The following DBR1 variants were observed in gnomAD, a reference collection of about 807,000 sequenced individuals.
The protein encoded by DBR1 is lariat debranching enzyme.
A neutral mutation model predicts 45.9 loss-of-function variants in DBR1; 33 were observed. The observed-to-expected ratio is 0.72, with a 90% confidence interval of 0.55 to 0.96. The LOEUF (loss-of-function observed/expected upper bound fraction) is 0.96. DBR1 is among the 40% of genes least tolerant of loss of function. The pLI is 0.00. For synonymous variants in DBR1, 235 were observed against 235.9 expected, an observed-to-expected ratio of 1.00 and a Z score of 0.04; for missense variants, 619 against 667.4, an observed-to-expected ratio of 0.93 and a Z score of 0.80.
In DBR1 at chr3:138,174,660, C is replaced by A. The variant is rs1318704472; in HGVS notation, c.136G>T (p.Glu46Ter). ...ACGGCCATGCAGCGTAGATCCGCCT[C>A]GTTGCGCACCGCCTGGAAGTCGCCG... The part of the protein sequence containing the change: ...CCGDFQAVRN[E>*]ADLRCMAVPP... Residue 46 changes from glutamate to a stop codon, truncating the protein, a stop_gained, in exon 1 of 8, where the codon GAG becomes TAG. Transcript: ENST00000260803. LOFTEE classifies it high-confidence loss of function. 6.2e-7 allele frequency: 1 copy of A among 1,612,690 alleles called. No individual in the cohort carries two copies. Among genetic ancestry groups the A allele is most frequent in the Non-Finnish European group, 8.5e-7 (1 of 1,179,518 alleles).
Position 138,173,498 on chromosome 3 carries a change from ATACC to A in DBR1, c.322_322+3del. ...AAAAAGTATCCACAAACACAATCAC[ATACC>A]TAAATAATAAATGTTTGGTGCCACC... On this transcript the variant is annotated splice_donor_variant and splice_donor_region_variant and coding_sequence_variant and intron_variant, in exon 2 of 8. Transcript: ENST00000260803. LOFTEE classifies it high-confidence loss of function. The A allele has an allele frequency of 6.2e-7, 1 of 1,613,552 alleles. No homozygotes were observed. Among genetic ancestry groups the A allele is most frequent in the African/African-American group, 1.3e-5 (1 of 75,058 alleles).
intron 5 of DBR1, 35 bp downstream of exon 5, chr3:138,167,046 G>C: frequency 1.9e-6 from 3 of 1,561,824 alleles, no homozygotes; most frequent in Non-Finnish European, 2.6e-6. Context: ...TCAATAGTGT[G>C]TGTTAAATGA....
chr3:138,163,705 G>A (rs1045397197), intron 6 of DBR1, 73 bp downstream of exon 6: 28 of 1,170,704 alleles, frequency 2.4e-5, no homozygotes, highest in Middle Eastern at 4.2e-4. Flanking sequence ...AAAAAATTCC[G>A]AAAGGAAAAT....
At chr3:138,163,016 G>C (rs1301467823) in intron 7 of DBR1, among the ~76,000 whole-genome samples, 1 of 152,190 alleles carries the variant, frequency 6.6e-6, no homozygotes, top group East Asian at 1.9e-4. Flanking sequence ...CCAGTACTTT[G>C]GGAGGCCGAG....
chr3:138,172,358 G>A (rs2042959072), intron 2 of DBR1, among the ~76,000 whole-genome samples: 1 of 152,226 alleles, frequency 6.6e-6, no homozygotes, highest in South Asian at 2.1e-4. Flanking sequence ...CCAGGTGGGC[G>A]GATCACTTTG....
intron 2 of DBR1, 38 bp downstream of exon 2, chr3:138,173,464 C>T: frequency 6.2e-7 from 1 of 1,608,334 alleles, no homozygotes; most frequent in Non-Finnish European, 8.5e-7. Flanking sequence ...GCTCTTCCAT[C>T]CCAGGAAAAA....
rs775867995 is a variant in DBR1, at chr3:138,167,184, G to A, written c.611C>T (p.Thr204Ile). The A allele has an allele frequency of 9.9e-6, 16 of 1,614,090 alleles. No homozygotes were observed. Among genetic ancestry groups the A allele is most frequent in the Non-Finnish European group, 1.4e-5 (16 of 1,179,984 alleles). ...SFFRQEVENNTLGSPAASELL... is the reference protein window; with the variant it reads ...SFFRQEVENNILGSPAASELL... ...CTCTGAGGCAGCTGGACTTCCTAAT[G>A]TGTTATTTTCCACTTCTTGTCGGAA... The change falls in exon 5 of 8, where the codon ACA becomes ATA. Residue 204 changes from threonine (T) to isoleucine (I), a missense_variant. Physicochemically the swap from Thr to Ile is moderately conservative, Grantham distance 89. Around this residue, in one of 3 missense-constraint regions of DBR1, gnomAD observed 430 missense variants for 447.7 expected, o/e 0.96. Coordinates refer to ENST00000260803, the MANE Select transcript of DBR1 (RefSeq NM_016216.4).
At chr3:138,163,199 G>A (rs1032812512) in intron 7 of DBR1, 150 bp downstream of exon 7, 2 of 715,120 alleles carry the variant, frequency 2.8e-6, no homozygotes, top group African/African-American at 1.8e-5. Flanking sequence ...GGCAGAGGAT[G>A]CAGTGAGCCA....
rs1355342285 is a variant in DBR1 at position 138,161,131 on chromosome 3, A to C, written c.*758T>G. On this transcript the variant is annotated 3_prime_UTR_variant, in exon 8 of 8. Coordinates refer to ENST00000260803, the MANE Select transcript of DBR1 (RefSeq NM_016216.4). ...TATTTATAATAAATGAAAAGAAAGC[A>C]TACATCATAATATATACAATGACTT... The C allele has an allele frequency of 6.6e-6, 1 of 152,210 alleles. No individual in the cohort carries two copies. The highest frequency in any genetic ancestry group is 1.5e-5 in the Non-Finnish European group (1 of 68,036). 9.4% of individuals were successfully genotyped at this position (152,210 alleles called of 1,614,324 possible). A position where few individuals can be genotyped will look rare whatever the true frequency, so the allele number is the denominator to read the frequency against.
intron 7 of DBR1, 107 bp downstream of exon 7, chr3:138,163,242 G>T: frequency 1.7e-6 from 2 of 1,154,224 alleles, no homozygotes; most frequent in South Asian, 1.6e-5. Flanking sequence ...AGTCCAGTTT[G>T]GATAACAGAG....
Position 138,174,820 on chromosome 3 carries a change from C to T in DBR1, c.-25G>A, listed in dbSNP as rs775932374. 3.6e-5 allele frequency: 58 copies of T among 1,600,120 alleles called. No homozygotes were observed. The highest frequency in any genetic ancestry group is 4.5e-5 in the Non-Finnish European group (53 of 1,174,506). On this transcript the variant is annotated 5_prime_UTR_variant, in exon 1 of 8. Coordinates refer to ENST00000260803, the MANE Select transcript of DBR1 (RefSeq NM_016216.4). ...TTCTGCCGGCCTGAGGAGGTGAGCG[C>T]TGCCTGCAACGCCCTACACCACAGC...
chr3:138,162,172 G>A lies in DBR1; in HGVS notation c.1352C>T (p.Ser451Leu), dbSNP rs114451412. Residue 451 changes from serine (S) to leucine (L), a missense_variant, in exon 8 of 8, where the codon TCG becomes TTG. Physicochemically the swap from Ser to Leu is moderately radical, Grantham distance 145. Transcript: ENST00000260803. ...VSAHSGMNTP[S>L]VEPSDQASEF... is the part of the protein sequence containing the mutation. ...AGAAGCTTGATCAGAAGGTTCTACC[G>A]ATGGTGTATTCATGCCACTATGTGC... The A allele has an allele frequency of 2.8e-3, 4,557 of 1,614,126 alleles. 10 individuals carry two copies. The highest frequency in any genetic ancestry group is 3.4e-3 in the Non-Finnish European group (4,057 of 1,180,034).
chr3:138,174,403 T>G (rs1252673072), intron 1 of DBR1, among the ~76,000 whole-genome samples, 196 bp downstream of exon 1: 3 of 152,308 alleles, frequency 2.0e-5, no homozygotes, highest in South Asian at 2.1e-4. Flanking sequence ...ACTGACATAA[T>G]TTGGTACCTA....
At chr3:138,168,962 CA>C (rs542327826) in intron 4 of DBR1, among the ~76,000 whole-genome samples, 246 of 132,878 alleles carry the variant, frequency 1.9e-3, no homozygotes, top group Middle Eastern at 7.4e-3. Context: ...GACCTTGTCT[CA>C]AAAAAAAAAA....
intron 3 of DBR1, chr3:138,171,379 G>C (rs192492768): frequency 5.3e-4 from 140 of 264,192 alleles, no homozygotes; most frequent in African/African-American, 3.1e-3. Context: ...GGAGGCTGAG[G>C]CAGGAGAATG....
intron 4 of DBR1, among the ~76,000 whole-genome samples, 173 bp from the exon 5 acceptor site, chr3:138,167,478 T>C (rs895653431): frequency 2.0e-4 from 30 of 152,160 alleles, no homozygotes; most frequent in African/African-American, 7.2e-4. Flanking sequence ...AGGCAACTCA[T>C]TCATCTAGGC....
intron 4 of DBR1, among the ~76,000 whole-genome samples, chr3:138,169,038 A>G (rs1318848861): frequency 6.6e-6 from 1 of 152,150 alleles, no homozygotes; most frequent in African/African-American, 2.4e-5. Flanking sequence ...TAGGATTTAG[A>G]TAGGTGAAAG....
At chr3:138,169,942 A>G (rs2042947043) in intron 4 of DBR1, among the ~76,000 whole-genome samples, 165 bp downstream of exon 4, 1 of 146,848 alleles carries the variant, frequency 6.8e-6, no homozygotes, top group Admixed American at 6.7e-5. Context: ...CAAAAAAAGA[A>G]AAAAAAAAGG....
Position 138,167,152 on chromosome 3 carries a change from C to G in DBR1, c.643G>C (p.Glu215Gln). ...LGSPAASELL[E>Q]HLKPTYWFSA... ...AACCAATAAGTAGGTTTGAGATGCT[C>G]TAAAAGCTCTGAGGCAGCTGGACTT... Residue 215 changes from glutamate (E) to glutamine (Q), a missense_variant, in exon 5 of 8, where the codon GAG (glutamate) becomes CAG (glutamine). By Grantham distance (29) the Glu-to-Gln change is conservative. Coordinates refer to ENST00000260803, the MANE Select transcript of DBR1 (RefSeq NM_016216.4). 2 of 1,614,182 alleles carry G rather than the reference C, an allele frequency of 1.2e-6. No individual in the cohort carries two copies. The highest frequency in any genetic ancestry group is 1.7e-6 in the Non-Finnish European group (2 of 1,180,026).
Sources: gnomAD v4.1 joint callset for allele counts (sites outside exome capture counted in the v4.1 genomes callset) on GRCh38, gnomAD v4.1.1 for gene constraint, gnomAD v4.1.1 regional missense constraint, MANE v1.5 for transcripts, NCBI Gene and HGNC (gene_info 2026-07-23, HGNC 2026-07-21) for gene names.